The following SSU72 variants were observed in gnomAD, a reference collection of about 807,000 sequenced individuals.
The protein encoded by SSU72 is SSU72 homolog, RNA polymerase II CTD phosphatase.
In SSU72, 12 loss-of-function variants were observed where a neutral mutation model predicts 22.7. The ratio of observed to expected loss-of-function variants is 0.53; its 90% CI spans 0.34 to 0.86. SSU72 has a LOEUF of 0.86. Among genes scored for constraint, SSU72 ranks in the 40% least tolerant of loss-of-function variants. The pLI is 0.02. For synonymous variants in SSU72, 116 were observed against 98.3 expected, an observed-to-expected ratio of 1.18 and a Z score of -1.06; for missense variants, 151 against 249.8, an observed-to-expected ratio of 0.60 and a Z score of 2.67.
At position 1,574,577 on chromosome 1, in the gene SSU72, G is replaced by A. The variant is rs1191254911; in HGVS notation, c.-20C>T. On this transcript the variant is annotated 5_prime_UTR_variant, in exon 1 of 5. Coordinates refer to ENST00000291386, the MANE Select transcript of SSU72 (RefSeq NM_014188.3). Reference sequence around the variant, plus strand: ...CGGCATGGCGGCGGCCGCAAATCCCGCGGCTCTCCCGCTTGGGTTCCCACC... The same window carrying A: ...CGGCATGGCGGCGGCCGCAAATCCCACGGCTCTCCCGCTTGGGTTCCCACC... 3.2e-6 allele frequency: 5 copies of A among 1,579,640 alleles called. No individual in the cohort carries two copies. Among genetic ancestry groups the A allele is most frequent in the Admixed American group, 1.8e-5 (1 of 56,612 alleles).
At position 1,542,595 on chromosome 1, in the gene SSU72, C is replaced by T. The variant is rs1283985441; in HGVS notation, c.484-428G>A. 6.6e-6 allele frequency among the ~76,000 whole-genome samples: 1 copy of T among 152,124 alleles called. No homozygotes were observed. The highest frequency in any genetic ancestry group is 2.4e-5 in the African/African-American group (1 of 41,414). ...TCCACCAGAGCCCCTGGCAGAGGGC[C>T]GCTGCCCCAGAGTGAGCAGGCCCGG... On this transcript the variant is annotated intron_variant, in intron 4 of 4. Coordinates refer to ENST00000291386, the MANE Select transcript of SSU72 (RefSeq NM_014188.3). The surrounding 1 kb of genome is among the most constrained non-coding windows in gnomAD (Gnocchi z 4.4).
At chr1:1,572,370 G>A (rs969113934) in intron 1 of SSU72, among the ~76,000 whole-genome samples, 10 of 148,152 alleles carry the variant, frequency 6.7e-5, no homozygotes, top group Non-Finnish European at 4.5e-5. Context: ...GGAGCTTGCA[G>A]TGAGCTGAGA....
intron 2 of SSU72, chr1:1,563,127 G>A (rs1642614903): frequency 1.3e-5 from 2 of 152,370 alleles, no homozygotes; most frequent in Non-Finnish European, 2.9e-5. Flanking sequence ...AGGGAGGGCA[G>A]AAGGTACAGT....
At chr1:1,569,431 C>G (rs182623806) in intron 1 of SSU72, among the ~76,000 whole-genome samples, 1 of 152,164 alleles carries the variant, frequency 6.6e-6, no homozygotes, top group South Asian at 2.1e-4. Flanking sequence ...TCGACACTTA[C>G]TATCACTTGG....
In SSU72 at chr1:1,554,979, G is replaced by A. The variant is rs572572519; in HGVS notation, c.224+9794C>T. 6.6e-5 allele frequency among the ~76,000 whole-genome samples: 10 copies of A among 152,230 alleles called. No homozygotes were observed. Among genetic ancestry groups the A allele is most frequent in the East Asian group, 5.8e-4 (3 of 5,180 alleles). ...TCCGTGGAAGCCTTGGTCCTTCCCC[G>A]GAAGGCCACACCATCTTCCCTGCAC... is the stretch of plus-strand genomic sequence containing the variant. On this transcript the variant is annotated intron_variant, in intron 2 of 4. Coordinates refer to ENST00000291386, the MANE Select transcript of SSU72 (RefSeq NM_014188.3). This position sits in a 1 kb window ranked among gnomAD's most constrained non-coding sequence, Gnocchi z 4.1.
chr1:1,569,286 C>G (rs1254615373), intron 1 of SSU72, among the ~76,000 whole-genome samples: 1 of 152,138 alleles, frequency 6.6e-6, no homozygotes, highest in Non-Finnish European at 1.5e-5. Flanking sequence ...GAGCACCAAG[C>G]GCAGGAGGCT....
intron 2 of SSU72, among the ~76,000 whole-genome samples, chr1:1,549,281 C>T (rs1026359682): frequency 6.7e-6 from 1 of 149,992 alleles, no homozygotes; most frequent in African/African-American, 2.5e-5. Context: ...CAGAACTTTG[C>T]GAGGCCGAGG....
intron 1 of SSU72, among the ~76,000 whole-genome samples, chr1:1,565,831 A>T (rs987733958): frequency 2.0e-5 from 3 of 152,214 alleles, no homozygotes; most frequent in Admixed American, 1.3e-4. Flanking sequence ...ATGTGCCACC[A>T]ATGAGCTCTA....
intron 2 of SSU72, among the ~76,000 whole-genome samples, chr1:1,553,792 A>T (rs1472554659): frequency 4.7e-5 from 2 of 42,112 alleles, no homozygotes; most frequent in Non-Finnish European, 6.7e-5. Flanking sequence ...ACTCCGTCTC[A>T]AAAAAAAAAA....
chr1:1,559,101 A>C (rs1642553759), intron 2 of SSU72, among the ~76,000 whole-genome samples: 1 of 152,204 alleles, frequency 6.6e-6, no homozygotes, highest in South Asian at 2.1e-4. Context: ...AAGCTGCTCT[A>C]CTCCACGTGC....
intron 1 of SSU72, among the ~76,000 whole-genome samples, chr1:1,566,832 C>G (rs1403476505): frequency 6.8e-6 from 1 of 147,432 alleles, no homozygotes; most frequent in Non-Finnish European, 1.5e-5. Flanking sequence ...CCAGCCTGGG[C>G]GACAAGAGCG....
chr1:1,556,143 CAA>C (rs1399814187), intron 2 of SSU72, among the ~76,000 whole-genome samples: 2 of 151,880 alleles, frequency 1.3e-5, no homozygotes, highest in Non-Finnish European at 2.9e-5. Context: ...AAAAAATACA[CAA>C]AGTTTGGCCA....
chr1:1,544,774 G>T, intron 3 of SSU72, 89 bp downstream of exon 3: 1 of 1,582,896 alleles, frequency 6.3e-7, no homozygotes, highest in Non-Finnish European at 8.7e-7. Flanking sequence ...CTCTAGACGG[G>T]CTGTACTGGT....
At chr1:1,550,495 G>A (rs1642443448) in intron 2 of SSU72, among the ~76,000 whole-genome samples, 1 of 152,228 alleles carries the variant, frequency 6.6e-6, no homozygotes, top group Non-Finnish European at 1.5e-5. Context: ...CCAGACACCA[G>A]CGGACACCAC....
intron 2 of SSU72, among the ~76,000 whole-genome samples, chr1:1,553,203 C>T (rs6603790): frequency 0.065 from 9,849 of 152,132 alleles, 1,027 homozygotes; most frequent in African/African-American, 0.22. Context: ...TCTGTAACCG[C>T]AGCCTCACCC....
At position 1,548,826 on chromosome 1, in the gene SSU72, G is replaced by A. The variant is rs963668944; in HGVS notation, c.225-3824C>T. 3.3e-5 allele frequency among the ~76,000 whole-genome samples: 5 copies of A among 152,366 alleles called. No individual in the cohort carries two copies. In the South Asian group the frequency reaches 1.0e-3, roughly 32 times the overall value. On this transcript the variant is annotated intron_variant, in intron 2 of 4. Coordinates refer to ENST00000291386, the MANE Select transcript of SSU72 (RefSeq NM_014188.3). ...AGTGAGATTCCCATGGGTTGAGCAC[G>A]TGTGGCCAATCCCGAGAGGCCACCG...
intron 2 of SSU72, among the ~76,000 whole-genome samples, chr1:1,558,615 C>T (rs1388114774): frequency 1.3e-5 from 2 of 152,212 alleles, no homozygotes; most frequent in Non-Finnish European, 2.9e-5. Flanking sequence ...GTTCATAACA[C>T]AAAAAGCTGG....
intron 2 of SSU72, chr1:1,563,663 C>G (rs1454775685): frequency 6.6e-6 from 1 of 152,124 alleles, no homozygotes. Context: ...ACCAGCCTGG[C>G]CAACATGGTG....
intron 2 of SSU72, among the ~76,000 whole-genome samples, chr1:1,552,484 G>A (rs1642465684): frequency 6.6e-6 from 1 of 152,216 alleles, no homozygotes; most frequent in Non-Finnish European, 1.5e-5. Context: ...CCTTCTACCA[G>A]GGTCTTGGTG....
Sources: allele counts gnomAD v4.1 joint callset (sites outside exome capture counted in the v4.1 genomes callset), GRCh38; gene constraint gnomAD v4.1.1; non-coding constraint Gnocchi (gnomAD v3.1); transcripts MANE v1.5; gene names NCBI Gene and HGNC (gene_info 2026-07-23, HGNC 2026-07-21).